Variants in USP7 observed in about 807,000 individuals in gnomAD.
USP7 encodes ubiquitin specific peptidase 7.
USP7 carries 9 observed loss-of-function variants against 162.9 expected under a neutral mutation model. The observed-to-expected ratio is 0.06, with a 90% CI of 0.03 to 0.10. The LOEUF (loss-of-function observed/expected upper bound fraction) is 0.10. USP7 is among the 10% of genes least tolerant of loss of function. USP7 has a pLI of 1.00. For synonymous variants in USP7, 562 were observed against 475.9 expected (o/e 1.18, Z -2.35); for missense variants, 715 against 1,373.7 (o/e 0.52, Z 7.58).
chr16:8,937,206 C>CT (rs56011329), intron 1 of USP7, among the ~76,000 whole-genome samples: 5 of 149,340 alleles, frequency 3.3e-5, no homozygotes, highest in African/African-American at 1.2e-4. Context: ...GAGACTCTGT[C>CT]TTTTTTTAAA....
Position 8,892,606 on chromosome 16 carries a change from T to TAAAAAAAA in USP7, c.*1384_*1391dup, listed in dbSNP as rs55937310. The TAAAAAAAA allele has an allele frequency of 2.3e-4, 28 of 119,926 alleles. No individual in the cohort carries two copies. Among genetic ancestry groups the TAAAAAAAA allele is most frequent in the East Asian group, 4.9e-4 (2 of 4,070 alleles). The allele number at this position is 119,926 out of a possible 1,614,324, so 7.4% of individuals were successfully genotyped here. A position where few individuals can be genotyped will look rare whatever the true frequency, so the allele number is the denominator to read the frequency against. On this transcript the variant is annotated 3_prime_UTR_variant, in exon 31 of 31. Coordinates refer to ENST00000344836, the MANE Select transcript of USP7 (RefSeq NM_003470.3). Reference sequence around the variant, plus strand: ...AGAGTAAATGTGACTAGTTAGAGGCTAAAAAAAAAAAAAAAAAAAAAAAGA... The same window carrying TAAAAAAAA: ...AGAGTAAATGTGACTAGTTAGAGGCTAAAAAAAAAAAAAAAAAAAAAAAAAAAAAAAGA...
intron 1 of USP7, among the ~76,000 whole-genome samples, chr16:8,953,513 G>A (rs112493057): frequency 1.4e-5 from 2 of 140,638 alleles, no homozygotes; most frequent in South Asian, 2.2e-4. Flanking sequence ...TGCCCCATGC[G>A]GTGCCACTGG....
chr16:8,941,500 C>T (rs1899043758), intron 1 of USP7, among the ~76,000 whole-genome samples: 9 of 152,236 alleles, frequency 5.9e-5, no homozygotes, highest in Admixed American at 5.2e-4. Context: ...ACCCTCTTCT[C>T]GCAGGTCAAC....
chr16:8,952,903 C>G (rs373323625), intron 1 of USP7, among the ~76,000 whole-genome samples: 1 of 151,864 alleles, frequency 6.6e-6, no homozygotes, highest in Admixed American at 6.6e-5. Flanking sequence ...CTGGCGCAAT[C>G]TCGGCTCACT....
chr16:8,935,332 C>G (rs1024716505), intron 1 of USP7, among the ~76,000 whole-genome samples: 6 of 151,910 alleles, frequency 3.9e-5, no homozygotes, highest in African/African-American at 1.5e-4. Flanking sequence ...ACCTCAGCCT[C>G]CTGAGTAGCT....
intron 1 of USP7, among the ~76,000 whole-genome samples, chr16:8,942,128 G>A (rs1043086258): frequency 6.6e-6 from 1 of 152,218 alleles, no homozygotes; most frequent in Non-Finnish European, 1.5e-5. Context: ...AGGGGAAGGT[G>A]GGCAGGGCCA....
Position 8,915,242 on chromosome 16 carries a change from C to A in USP7, c.1078+12G>T. ...TCAAAAGATCATGCCATTAGATACA[C>A]ACAACACTTACTATTTTTCTTTCCT... On this transcript the variant is annotated intron_variant, in intron 10 of 30. Transcript: ENST00000344836. 7 of 1,589,046 alleles carry A rather than the reference C, an allele frequency of 4.4e-6. No individual in the cohort carries two copies. The highest frequency in any genetic ancestry group is 6.0e-6 in the Non-Finnish European group (7 of 1,167,578).
At chr16:8,934,649 G>C (rs1331291743) in intron 1 of USP7, among the ~76,000 whole-genome samples, 1 of 152,262 alleles carries the variant, frequency 6.6e-6, no homozygotes, top group Non-Finnish European at 1.5e-5. Context: ...ATCTGAGCAA[G>C]ACCCCAGCTT....
intron 5 of USP7, among the ~76,000 whole-genome samples, 168 bp from the exon 6 acceptor site, chr16:8,919,307 G>A (rs1240429660): frequency 7.9e-5 from 12 of 151,958 alleles, no homozygotes; most frequent in Admixed American, 7.2e-4. Flanking sequence ...GCTCCAGTGT[G>A]TGAACTGGTG....
chr16:8,909,895 T>C (rs1166455033), intron 11 of USP7, among the ~76,000 whole-genome samples: 1 of 152,052 alleles, frequency 6.6e-6, no homozygotes, highest in Non-Finnish European at 1.5e-5. Flanking sequence ...CACTGCACTC[T>C]AGCCTGGGGA....
At chr16:8,899,089 A>G (rs1438979888) in intron 23 of USP7, 32 bp downstream of exon 23, 17 of 1,610,346 alleles carry the variant, frequency 1.1e-5, no homozygotes, top group East Asian at 6.7e-5. Flanking sequence ...CATGCAGTCA[A>G]GACCAAGCAA....
chr16:8,898,327 A>G, intron 25 of USP7, 33 bp downstream of exon 25: 1 of 1,516,836 alleles, frequency 6.6e-7, no homozygotes, highest in Non-Finnish European at 9.0e-7. Context: ...AGTTCCAATA[A>G]AAATTAAAAT....
chr16:8,897,711 A>AT (rs1567206395), intron 25 of USP7, among the ~76,000 whole-genome samples: 11 of 45,610 alleles, frequency 2.4e-4, no homozygotes, highest in Non-Finnish European at 3.9e-4. Context: ...AAAAAAAAAA[A>AT]AAAAAAAAAA....
At chr16:8,930,478 G>A in intron 1 of USP7, 81 bp from the exon 2 acceptor site, 1 of 940,956 alleles carries the variant, frequency 1.1e-6, no homozygotes, top group Non-Finnish European at 1.5e-6. Flanking sequence ...TTATACTTTT[G>A]ATGTTGCCTA....
Position 8,963,717 on chromosome 16 carries a change from T to G in USP7, c.-432A>C, listed in dbSNP as rs1341808227. On this transcript the variant is annotated 5_prime_UTR_variant, in exon 1 of 31. Transcript: ENST00000344836. Reference sequence around the variant, plus strand: ...GGCCGGGCGCGGCGGACGGGAGGCCTGGCCGGCCGCGGCGGGCCTGCGGGC... The same window carrying G: ...GGCCGGGCGCGGCGGACGGGAGGCCGGGCCGGCCGCGGCGGGCCTGCGGGC... 7.3e-6 allele frequency among the ~76,000 whole-genome samples: 1 copy of G among 137,412 alleles called. No homozygotes were observed. 90.1% of individuals were successfully genotyped at this position (137,412 alleles called of 152,430 possible).
chr16:8,905,871 C>T (rs1272347218), intron 13 of USP7, among the ~76,000 whole-genome samples: 1 of 152,252 alleles, frequency 6.6e-6, no homozygotes, highest in Non-Finnish European at 1.5e-5. Context: ...ATGAACGCTG[C>T]TGTTACACGC....
intron 1 of USP7, among the ~76,000 whole-genome samples, chr16:8,934,861 C>T (rs1331912809): frequency 6.6e-6 from 1 of 152,154 alleles, no homozygotes; most frequent in Admixed American, 6.5e-5. Context: ...CAGCCCAGCT[C>T]CCAGGGGCAG....
intron 11 of USP7, among the ~76,000 whole-genome samples, chr16:8,910,151 G>T (rs965452742): frequency 2.0e-5 from 3 of 152,058 alleles, no homozygotes; most frequent in African/African-American, 4.8e-5. Flanking sequence ...ACAGACCCTG[G>T]ATCACTGGAT....
At chr16:8,904,873 G>C (rs1010459813) in intron 14 of USP7, among the ~76,000 whole-genome samples, 1 of 152,300 alleles carries the variant, frequency 6.6e-6, no homozygotes, top group Non-Finnish European at 1.5e-5. Context: ...TTGGGAGGCT[G>C]AGGCAGGAGA....
Sources: gnomAD v4.1 joint callset for allele counts (sites outside exome capture counted in the v4.1 genomes callset) on GRCh38, gnomAD v4.1.1 for gene constraint, MANE v1.5 for transcripts, NCBI Gene and HGNC (gene_info 2026-07-23, HGNC 2026-07-21) for gene names.